The following ATP5F1C variants were observed in gnomAD, a reference collection of about 807,000 sequenced individuals.
The protein encoded by ATP5F1C is ATP synthase F1 subunit gamma.
Under a neutral mutation model 37.4 loss-of-function variants are expected in ATP5F1C, and 22 were observed. That is an observed-to-expected ratio of 0.59 (90% CI 0.42 to 0.84). ATP5F1C has a LOEUF of 0.84. ATP5F1C is among the 40% of genes least tolerant of loss of function. The pLI is 0.00. For missense variants in ATP5F1C, 286 were observed against 362.4 expected, an observed-to-expected ratio of 0.79 and a Z score of 1.71; for synonymous variants, 121 against 128.0, an observed-to-expected ratio of 0.95 and a Z score of 0.37.
chr10:7,797,067 A>G lies in ATP5F1C; in HGVS notation c.112A>G (p.Ile38Val). ...TTCAGTCACCAGGAGACTAAAGTCCATCAAAAACATCCAGAAAATTACCAA... is the reference window on the plus strand; with the variant it reads ...TTCAGTCACCAGGAGACTAAAGTCCGTCAAAAACATCCAGAAAATTACCAA... ...LKDITRRLKS[I>V]KNIQKITKSM... The change falls in exon 3 of 10, where the codon ATC becomes GTC. Residue 38 changes from isoleucine (I) to valine (V), a missense_variant. Transcript: ENST00000356708. 6.2e-7 allele frequency: 1 copy of G among 1,614,184 alleles called. No individual in the cohort carries two copies. Among genetic ancestry groups the G allele is most frequent in the Non-Finnish European group, 8.5e-7 (1 of 1,180,002 alleles).
At chr10:7,799,519 A>G in intron 4 of ATP5F1C, 3 of 566,686 alleles carry the variant, frequency 5.3e-6, no homozygotes, top group Non-Finnish European at 9.3e-6. Flanking sequence ...TGTTAGCAAT[A>G]GTTCATTAGG....
At position 7,799,891 on chromosome 10, in the gene ATP5F1C, G is replaced by C; in HGVS notation, c.548G>C (p.Gly183Ala). The change falls in exon 5 of 10, where the codon GGC (glycine) becomes GCC (alanine). Residue 183 changes from glycine to alanine, a missense_variant. Coordinates refer to ENST00000356708, the MANE Select transcript of ATP5F1C (RefSeq NM_001001973.3). ...AATTCTGGATATGAATTTGATGAAGGCTCCATCATCTTTAATAAATTCAGG... is the reference window on the plus strand; with the variant it reads ...AATTCTGGATATGAATTTGATGAAGCCTCCATCATCTTTAATAAATTCAGG... ...LLNSGYEFDE[G>A]SIIFNKFRSV... is the part of the protein sequence containing the mutation. 4.3e-6 allele frequency: 7 copies of C among 1,613,886 alleles called. No homozygotes were observed. Among genetic ancestry groups the C allele is most frequent in the South Asian group, 1.1e-5 (1 of 91,058 alleles).
chr10:7,802,533 T>C (rs1379607917), intron 7 of ATP5F1C, 108 bp downstream of exon 7: 1 of 1,329,246 alleles, frequency 7.5e-7, no homozygotes, highest in Non-Finnish European at 1.0e-6. Context: ...ATTAACATGA[T>C]ATTCCTGTAC....
chr10:7,806,290 C>T (rs1482687420), intron 8 of ATP5F1C, among the ~76,000 whole-genome samples: 3 of 152,194 alleles, frequency 2.0e-5, no homozygotes, highest in Non-Finnish European at 4.4e-5. Flanking sequence ...ACATATTTGG[C>T]TATTTAGTAA....
At chr10:7,806,750 G>C (rs984843840) in intron 8 of ATP5F1C, among the ~76,000 whole-genome samples, 1 of 151,980 alleles carries the variant, frequency 6.6e-6, no homozygotes, top group Non-Finnish European at 1.5e-5. Context: ...GCATGAGCAT[G>C]TTTTTATTGC....
intron 9 of ATP5F1C, 143 bp downstream of exon 9, chr10:7,807,153 G>A: frequency 1.5e-6 from 1 of 676,286 alleles, no homozygotes; most frequent in Non-Finnish European, 2.4e-6. Flanking sequence ...ACTCACGGGA[G>A]CACCTGGGCA....
intron 8 of ATP5F1C, among the ~76,000 whole-genome samples, chr10:7,806,550 G>A (rs564640030): frequency 5.3e-5 from 8 of 151,748 alleles, no homozygotes; most frequent in Non-Finnish European, 1.2e-4. Flanking sequence ...CCAGCTACTC[G>A]GGAGGCTGAG....
Position 7,802,224 on chromosome 10 carries a change from A to G in ATP5F1C, c.638-46A>G, listed in dbSNP as rs369864059. ...GAAAAGCTGTTTTTGATGAATTACT[A>G]TTCCTTCCATATAACTTGAAAGAAA... On this transcript the variant is annotated intron_variant, in intron 6 of 9. Transcript: ENST00000356708. The G allele has an allele frequency of 3.9e-6, 6 of 1,546,312 alleles. No individual in the cohort carries two copies. The African/African-American group carries it at 5.5e-5, about 14-fold the overall frequency.
At chr10:7,793,593 A>C (rs1217310167) in intron 1 of ATP5F1C, among the ~76,000 whole-genome samples, 1 of 152,226 alleles carries the variant, frequency 6.6e-6, no homozygotes, top group East Asian at 1.9e-4. Flanking sequence ...TTCTCTTCAC[A>C]GTATTTTTCA....
At chr10:7,795,073 T>G (rs1300230534) in intron 1 of ATP5F1C, among the ~76,000 whole-genome samples, 1 of 152,226 alleles carries the variant, frequency 6.6e-6, no homozygotes, top group Non-Finnish European at 1.5e-5. Context: ...CTAAACTGAT[T>G]TGTGGGCTTA....
rs771682895 is a variant in ATP5F1C, at chr10:7,790,449, C to T, written c.56+2186C>T. ...ATTAAAAATTTGAGAGAAAGAATCC[C>T]GGATTTTACTGTCTTCAAATTTGGG... On this transcript the variant is annotated intron_variant, in intron 1 of 9. Transcript: ENST00000356708. Among the ~76,000 whole-genome samples the T allele has an allele frequency of 3.7e-4, 56 of 152,012 alleles. 1 individual carries two copies. The highest frequency in any genetic ancestry group is 2.4e-3 in the Admixed American group (37 of 15,260).
intron 1 of ATP5F1C, among the ~76,000 whole-genome samples, chr10:7,792,451 A>G (rs1259451177): frequency 6.6e-6 from 1 of 152,168 alleles, no homozygotes; most frequent in Non-Finnish European, 1.5e-5. Flanking sequence ...ACAAATGCAT[A>G]ATGACATGTA....
intron 1 of ATP5F1C, among the ~76,000 whole-genome samples, chr10:7,794,905 C>G (rs1836214123): frequency 6.6e-6 from 1 of 152,152 alleles, no homozygotes; most frequent in Non-Finnish European, 1.5e-5. Flanking sequence ...TAAATGCTTG[C>G]AAATCTAGTC....
At chr10:7,796,075 A>G (rs760291232) in intron 1 of ATP5F1C, 46 bp from the exon 2 acceptor site, 39 of 1,467,522 alleles carry the variant, frequency 2.7e-5, no homozygotes, top group South Asian at 2.6e-4. Flanking sequence ...GTATAATGGA[A>G]CTATTTTTCA....
At chr10:7,801,950 C>T (rs1283454508) in intron 6 of ATP5F1C, among the ~76,000 whole-genome samples, 2 of 152,140 alleles carry the variant, frequency 1.3e-5, no homozygotes, top group Non-Finnish European at 2.9e-5. Context: ...GGCTTTGTAA[C>T]AGGCACATGC....
intron 1 of ATP5F1C, among the ~76,000 whole-genome samples, 190 bp from the exon 2 acceptor site, chr10:7,795,931 A>G (rs1836230107): frequency 6.6e-6 from 1 of 152,218 alleles, no homozygotes; most frequent in Admixed American, 6.5e-5. Context: ...GAGGCCTTCA[A>G]TACAGGGATT....
intron 8 of ATP5F1C, among the ~76,000 whole-genome samples, chr10:7,803,521 C>A (rs1361312926): frequency 6.6e-6 from 1 of 151,992 alleles, no homozygotes; most frequent in Non-Finnish European, 1.5e-5. Flanking sequence ...TTATTTTTGT[C>A]TTTTTTCCAA....
At position 7,806,990 on chromosome 10, in the gene ATP5F1C, A is replaced by C; in HGVS notation, c.*10A>C. 6.2e-7 allele frequency: 1 copy of C among 1,612,410 alleles called. No individual in the cohort carries two copies. Among genetic ancestry groups the C allele is most frequent in the Admixed American group, 1.7e-5 (1 of 60,000 alleles). On this transcript the variant is annotated 3_prime_UTR_variant, in exon 9 of 10. Coordinates refer to ENST00000356708, the MANE Select transcript of ATP5F1C (RefSeq NM_001001973.3). ...AATAACCAGGGATTAATGAAAATCA[A>C]GTTCCATCCTCAGACAAGAGGTAAA...
At position 7,798,367 on chromosome 10, in the gene ATP5F1C, G is replaced by T. The variant is rs994403724; in HGVS notation, c.224-623G>T. 1.5e-4 allele frequency among the ~76,000 whole-genome samples: 23 copies of T among 152,032 alleles called. No individual in the cohort carries two copies. The East Asian group carries it at 4.4e-3, about 29-fold the overall frequency. On this transcript the variant is annotated intron_variant, in intron 3 of 9. Transcript: ENST00000356708. The stretch of plus-strand genomic sequence containing the variant: ...TTCTCCTGCCTCAGCCTCCCCAGTA[G>T]CTGGGATTAACAGGCCCCCACCATC...
Sources: allele counts gnomAD v4.1 joint callset (sites outside exome capture counted in the v4.1 genomes callset), GRCh38; gene constraint gnomAD v4.1.1; transcripts MANE v1.5; gene names NCBI Gene and HGNC (gene_info 2026-07-23, HGNC 2026-07-21).